The following HIBADH variants were observed in gnomAD, a reference collection of about 807,000 sequenced individuals.
The protein encoded by HIBADH is 3-hydroxyisobutyrate dehydrogenase.
A neutral mutation model predicts 36.1 loss-of-function variants in HIBADH; 25 were observed. The ratio of observed to expected loss-of-function variants is 0.69; its 90% CI spans 0.50 to 0.97. The LOEUF (loss-of-function observed/expected upper bound fraction) is 0.97. HIBADH is among the 50% of genes least tolerant of loss of function. The probability of loss-of-function intolerance (pLI) is 0.00; values close to 1 mark genes in which losing one functional copy is unlikely to be tolerated. For synonymous variants in HIBADH, 160 were observed against 149.5 expected (o/e 1.07, Z -0.51); for missense variants, 421 against 418.0 (o/e 1.01, Z -0.06).
At chr7:27,646,394 C>G (rs1472035842) in intron 2 of HIBADH, among the ~76,000 whole-genome samples, 1 of 152,210 alleles carries the variant, frequency 6.6e-6, no homozygotes, top group East Asian at 1.9e-4. Flanking sequence ...GACATTGGCT[C>G]TTGCTATTCA....
chr7:27,649,704 C>G (rs2128296995), intron 1 of HIBADH, 71 bp from the exon 2 acceptor site: 2 of 1,365,960 alleles, frequency 1.5e-6, no homozygotes, highest in South Asian at 3.1e-5. Flanking sequence ...TTAATATTAG[C>G]AAGTCAATTG....
intron 2 of HIBADH, among the ~76,000 whole-genome samples, chr7:27,645,244 G>A (rs190760296): frequency 6.6e-6 from 1 of 152,086 alleles, no homozygotes; most frequent in East Asian, 1.9e-4. Flanking sequence ...CTTTCCCAAA[G>A]TGGCTGTACC....
intron 4 of HIBADH, among the ~76,000 whole-genome samples, chr7:27,573,076 T>C (rs1267569765): frequency 6.6e-6 from 1 of 152,130 alleles, no homozygotes; most frequent in African/African-American, 2.4e-5. Flanking sequence ...CTGTGTAAAG[T>C]GATCTGCAAA....
At chr7:27,660,119 T>G (rs953071531) in intron 1 of HIBADH, among the ~76,000 whole-genome samples, 1 of 152,236 alleles carries the variant, frequency 6.6e-6, no homozygotes, top group Non-Finnish European at 1.5e-5. Context: ...GGTTTCATTT[T>G]TTTAAACAGT....
intron 5 of HIBADH, among the ~76,000 whole-genome samples, chr7:27,539,205 C>G (rs1784111128): frequency 6.6e-6 from 1 of 152,036 alleles, no homozygotes. Flanking sequence ...TGATGTTGGA[C>G]AGAGTGGTAA....
At position 27,629,451 on chromosome 7, in the gene HIBADH, A is replaced by G. The variant is rs755102881; in HGVS notation, c.404T>C (p.Ile135Thr). ...CAATTCTTTTGAAACTGCAGGATCA[A>G]TAGTGCTGGAATCTATTAATAATGA... is the stretch of plus-strand genomic sequence containing the variant. ...KGSLLIDSST[I>T]DPAVSKELAK... The change falls in exon 4 of 8, where the codon ATT becomes ACT. Residue 135 changes from isoleucine (I) to threonine (T), a missense_variant. By Grantham distance (89) the Ile-to-Thr change is moderately conservative. Coordinates refer to ENST00000265395, the MANE Select transcript of HIBADH (RefSeq NM_152740.4). The G allele has an allele frequency of 6.8e-6, 11 of 1,608,408 alleles. No homozygotes were observed. Among genetic ancestry groups the G allele is most frequent in the South Asian group, 4.4e-5 (4 of 90,470 alleles).
chr7:27,608,704 A>G (rs1449950580), intron 4 of HIBADH, among the ~76,000 whole-genome samples: 1 of 152,216 alleles, frequency 6.6e-6, no homozygotes, highest in African/African-American at 2.4e-5. Context: ...AAATCAATAG[A>G]TGTTAAAGAA....
At chr7:27,555,323 TA>T (rs1554295721) in intron 4 of HIBADH, among the ~76,000 whole-genome samples, 3 of 142,248 alleles carry the variant, frequency 2.1e-5, no homozygotes, top group Non-Finnish European at 4.7e-5. Flanking sequence ...TTTTTTTTTT[TA>T]AATAAAGACT....
intron 4 of HIBADH, among the ~76,000 whole-genome samples, chr7:27,585,469 CCTGA>C (rs1387587921): frequency 1.3e-5 from 2 of 152,100 alleles, no homozygotes; most frequent in African/African-American, 4.8e-5. Context: ...TCAGAACCAT[CCTGA>C]CTGCCACAAA....
intron 4 of HIBADH, among the ~76,000 whole-genome samples, chr7:27,620,062 T>C (rs942626168): frequency 1.3e-5 from 2 of 152,210 alleles, no homozygotes; most frequent in Non-Finnish European, 2.9e-5. Context: ...AGCTCACTCC[T>C]GTAATCCCAA....
chr7:27,562,365 GTTCT>G (rs1189325950), intron 4 of HIBADH, among the ~76,000 whole-genome samples: 7 of 151,950 alleles, frequency 4.6e-5, no homozygotes, highest in Non-Finnish European at 8.8e-5. Context: ...CAGTATTTTA[GTTCT>G]TTAATTCCAC....
intron 1 of HIBADH, among the ~76,000 whole-genome samples, chr7:27,650,480 ATTTATTTAT>A (rs1291090323): frequency 6.8e-6 from 1 of 147,390 alleles, no homozygotes; most frequent in Non-Finnish European, 1.5e-5. Flanking sequence ...TTATTTATTT[ATTTATTTAT>A]TTATTTATTT....
chr7:27,592,376 G>C (rs1784952076), intron 4 of HIBADH, among the ~76,000 whole-genome samples: 2 of 152,134 alleles, frequency 1.3e-5, no homozygotes, highest in Non-Finnish European at 2.9e-5. Flanking sequence ...AGATAACGAA[G>C]AGACTATCTG....
intron 4 of HIBADH, among the ~76,000 whole-genome samples, chr7:27,555,630 C>A (rs1157045187): frequency 1.3e-5 from 2 of 152,088 alleles, no homozygotes; most frequent in African/African-American, 4.8e-5. Flanking sequence ...TATGATGTTA[C>A]CATTACCCAC....
intron 2 of HIBADH, among the ~76,000 whole-genome samples, chr7:27,639,288 G>A (rs1055723455): frequency 6.6e-6 from 1 of 152,144 alleles, no homozygotes; most frequent in Non-Finnish European, 1.5e-5. Flanking sequence ...GGCCTTTACA[G>A]CAACATGGAT....
intron 2 of HIBADH, among the ~76,000 whole-genome samples, chr7:27,644,398 G>A (rs1054319886): frequency 2.0e-5 from 3 of 151,974 alleles, no homozygotes; most frequent in African/African-American, 7.3e-5. Context: ...TCAGGAGTTC[G>A]AGACCAGTCT....
chr7:27,616,448 T>C (rs1562645204), intron 4 of HIBADH, among the ~76,000 whole-genome samples: 1 of 152,152 alleles, frequency 6.6e-6, no homozygotes, highest in Non-Finnish European at 1.5e-5. Flanking sequence ...TGTGTGATCA[T>C]GTCTTCGTTG....
At chr7:27,640,186 A>G (rs1213803879) in intron 2 of HIBADH, among the ~76,000 whole-genome samples, 1 of 152,188 alleles carries the variant, frequency 6.6e-6, no homozygotes, top group Non-Finnish European at 1.5e-5. Flanking sequence ...ATTTATGTTA[A>G]TGTAAACTCT....
intron 2 of HIBADH, among the ~76,000 whole-genome samples, chr7:27,638,037 C>T (rs1785872919): frequency 1.3e-5 from 2 of 152,016 alleles, no homozygotes; most frequent in South Asian, 4.1e-4. Flanking sequence ...TCCTATCAAA[C>T]TACCAATGAC....
Sources: gnomAD v4.1 joint callset for allele counts (sites outside exome capture counted in the v4.1 genomes callset) on GRCh38, gnomAD v4.1.1 for gene constraint, MANE v1.5 for transcripts, NCBI Gene and HGNC (gene_info 2026-07-23, HGNC 2026-07-21) for gene names.